SGIP1: variants seen among roughly 807,000 people sequenced by gnomAD.
SGIP1 encodes SH3-containing GRB2-like protein 3-interacting protein 1.
A neutral mutation model predicts 107.5 loss-of-function variants in SGIP1; 38 were observed. The ratio of observed to expected loss-of-function variants is 0.35; its 90% CI spans 0.27 to 0.46. The LOEUF (loss-of-function observed/expected upper bound fraction) is 0.46, where lower values mean the gene tolerates loss of function less well. SGIP1 is among the 20% of genes least tolerant of loss of function. The pLI, the probability that SGIP1 is intolerant of heterozygous loss-of-function variation, is 1.00. For synonymous variants in SGIP1, 365 were observed against 366.1 expected, an observed-to-expected ratio of 1.00 and a Z score of 0.03; for missense variants, 929 against 1,019.5, an observed-to-expected ratio of 0.91 and a Z score of 1.21.
chr1:66,692,511 A>G (rs1160982443), intron 17 of SGIP1, among the ~76,000 whole-genome samples: 1 of 152,168 alleles, frequency 6.6e-6, no homozygotes, highest in Non-Finnish European at 1.5e-5. Flanking sequence ...TATATTGTCA[A>G]GACTGACTGT....
chr1:66,551,799 C>T (rs868474496), intron 1 of SGIP1, among the ~76,000 whole-genome samples: 6 of 152,060 alleles, frequency 3.9e-5, no homozygotes, highest in African/African-American at 7.2e-5. Flanking sequence ...CATAGATGAA[C>T]GCCATATATA....
chr1:66,697,716 C>G (rs193264485), intron 18 of SGIP1, among the ~76,000 whole-genome samples: 2 of 152,230 alleles, frequency 1.3e-5, no homozygotes, highest in Non-Finnish European at 2.9e-5. Context: ...GTATTTTTAG[C>G]TAGTAAAACC....
At chr1:66,693,869 G>C (rs1365879216) in intron 17 of SGIP1, among the ~76,000 whole-genome samples, 2 of 152,222 alleles carry the variant, frequency 1.3e-5, no homozygotes, top group African/African-American at 4.8e-5. Context: ...AACTATCAAA[G>C]GCAGGTGCAA....
In SGIP1 at chr1:66,645,657, T is replaced by A. The variant is rs2077529730; in HGVS notation, c.459+1938T>A. On this transcript the variant is annotated intron_variant, in intron 7 of 24. Coordinates refer to ENST00000371037, the MANE Select transcript of SGIP1 (RefSeq NM_032291.4). ...CCTATTTTTGTGATTCCTAAATATT[T>A]ATAATTTTTCATAGTTGGTGTGGAA... 1.3e-5 allele frequency among the ~76,000 whole-genome samples: 2 copies of A among 152,174 alleles called. 1 individual carries two copies. Among genetic ancestry groups the A allele is most frequent in the South Asian group, 4.1e-4 (2 of 4,832 alleles).
intron 11 of SGIP1, 88 bp downstream of exon 11, chr1:66,672,083 G>A: frequency 2.4e-6 from 3 of 1,235,130 alleles, no homozygotes; most frequent in Non-Finnish European, 2.4e-6. Flanking sequence ...TAAACTCTCA[G>A]CTCCCATTAA....
At chr1:66,706,736 T>C (rs2092547173) in intron 18 of SGIP1, among the ~76,000 whole-genome samples, 1 of 152,034 alleles carries the variant, frequency 6.6e-6, no homozygotes, top group African/African-American at 2.4e-5. Context: ...TGACCACTAT[T>C]ATCATTTTGA....
chr1:66,615,296 G>A (rs903374401), intron 1 of SGIP1, among the ~76,000 whole-genome samples: 1 of 151,830 alleles, frequency 6.6e-6, no homozygotes, highest in African/African-American at 2.4e-5. Context: ...CCTACTCCAG[G>A]CTAATTTTCT....
chr1:66,555,436 C>T (rs1490943234), intron 1 of SGIP1, among the ~76,000 whole-genome samples: 1 of 152,116 alleles, frequency 6.6e-6, no homozygotes, highest in East Asian at 1.9e-4. Context: ...TCTTTCATGG[C>T]CCAGCCCAAG....
At chr1:66,595,366 G>A (rs2064434053) in intron 1 of SGIP1, among the ~76,000 whole-genome samples, 3 of 152,118 alleles carry the variant, frequency 2.0e-5, no homozygotes. Flanking sequence ...ACTACCAATG[G>A]CTCATACTTT....
chr1:66,720,660 A>G (rs2093484761), intron 19 of SGIP1, among the ~76,000 whole-genome samples: 1 of 152,178 alleles, frequency 6.6e-6, no homozygotes, highest in Non-Finnish European at 1.5e-5. Context: ...TGGGAAGCAG[A>G]AGCAGCAGTG....
chr1:66,579,577 G>A (rs966877585), intron 1 of SGIP1, among the ~76,000 whole-genome samples: 3 of 152,162 alleles, frequency 2.0e-5, no homozygotes, highest in African/African-American at 7.2e-5. Flanking sequence ...ACATTATTCG[G>A]ATTCAATCTT....
intron 1 of SGIP1, among the ~76,000 whole-genome samples, chr1:66,621,885 C>T (rs12126819): frequency 0.15 from 22,576 of 152,128 alleles, 2,200 homozygotes; most frequent in East Asian, 0.46. Context: ...AGGAATTTTA[C>T]TCACAAAATA....
chr1:66,699,321 C>A (rs565541163), intron 18 of SGIP1, among the ~76,000 whole-genome samples: 2 of 152,258 alleles, frequency 1.3e-5, no homozygotes, highest in South Asian at 4.2e-4. Context: ...GATAATTCCA[C>A]CCTCTTCCAC....
At chr1:66,681,442 G>T (rs2086672384) in intron 14 of SGIP1, among the ~76,000 whole-genome samples, 1 of 152,180 alleles carries the variant, frequency 6.6e-6, no homozygotes. Context: ...CTTATATTGT[G>T]TGATGTGTAT....
At chr1:66,605,980 C>G (rs890982433) in intron 1 of SGIP1, among the ~76,000 whole-genome samples, 3 of 152,104 alleles carry the variant, frequency 2.0e-5, no homozygotes, top group Non-Finnish European at 4.4e-5. Context: ...TACAAGTCAC[C>G]TTTTTTCTCC....
chr1:66,566,381 C>G (rs2059642070), intron 1 of SGIP1, among the ~76,000 whole-genome samples: 1 of 151,946 alleles, frequency 6.6e-6, no homozygotes, highest in Non-Finnish European at 1.5e-5. Flanking sequence ...GAAAAGGTAA[C>G]TTTTATATAT....
intron 1 of SGIP1, among the ~76,000 whole-genome samples, chr1:66,567,990 C>A (rs1340245948): frequency 6.6e-6 from 1 of 151,982 alleles, no homozygotes; most frequent in Non-Finnish European, 1.5e-5. Context: ...TATATGAGCT[C>A]TTTTTTGGTT....
chr1:66,701,478 C>T (rs2150228698), intron 18 of SGIP1, among the ~76,000 whole-genome samples: 1 of 152,272 alleles, frequency 6.6e-6, no homozygotes, highest in Non-Finnish European at 1.5e-5. Context: ...CTTAGCTATT[C>T]TGAGTTTTTA....
chr1:66,627,472 T>C (rs1164639612), intron 2 of SGIP1, among the ~76,000 whole-genome samples: 1 of 152,122 alleles, frequency 6.6e-6, no homozygotes, highest in Non-Finnish European at 1.5e-5. Context: ...GGGCCTTAAG[T>C]ACCAGGCTGA....
Sources: allele counts gnomAD v4.1 joint callset (sites outside exome capture counted in the v4.1 genomes callset), GRCh38; gene constraint gnomAD v4.1.1; transcripts MANE v1.5; gene names NCBI Gene and HGNC (gene_info 2026-07-23, HGNC 2026-07-21).